ANKRD50: variants seen among roughly 807,000 people sequenced by gnomAD.
The protein encoded by ANKRD50 is ankyrin repeat domain 50.
Under a neutral mutation model 112.0 loss-of-function variants are expected in ANKRD50, and 40 were observed. The observed-to-expected ratio is 0.36, with a 90% CI of 0.28 to 0.46. The LOEUF (loss-of-function observed/expected upper bound fraction) is 0.46. Among genes scored for constraint, ANKRD50 ranks in the 20% least tolerant of loss-of-function variants. ANKRD50 has a pLI of 1.00. For missense variants in ANKRD50, 1,487 were observed against 1,701.7 expected, an observed-to-expected ratio of 0.87 and a Z score of 2.22; for synonymous variants, 613 against 619.1, an observed-to-expected ratio of 0.99 and a Z score of 0.15.
chr4:124,670,773 T>A lies in ANKRD50; in HGVS notation c.2504A>T (p.Asp835Val). 1.2e-6 allele frequency: 2 copies of A among 1,613,840 alleles called. No homozygotes were observed. The highest frequency in any genetic ancestry group is 1.7e-6 in the Non-Finnish European group (2 of 1,179,878). The change falls in exon 4 of 5, where the codon GAT becomes GTT. Residue 835 changes from aspartate (D) to valine (V), a missense_variant. Physicochemically the swap from Asp to Val is radical, Grantham distance 152 (BLOSUM62 -3). This residue lies in a region of ANKRD50 where 1,046 missense variants were observed against 1,269.5 expected (regional missense o/e 0.82). Coordinates refer to ENST00000504087, the MANE Select transcript of ANKRD50 (RefSeq NM_020337.3). ...GNVEVVRTLL[D>V]RGLDENHRDD... ...TCTGTGATTTTCATCTAACCCTCTA[T>A]CCAGTAGAGTACGTACCACCTCAAC...
intron 2 of ANKRD50, among the ~76,000 whole-genome samples, chr4:124,683,946 C>G (rs1724950378): frequency 1.4e-5 from 1 of 70,506 alleles, no homozygotes; most frequent in African/African-American, 5.2e-5. Context: ...AGTTTTATGT[C>G]ACATTTCTAA....
At chr4:124,678,636 T>C (rs1222054648) in intron 3 of ANKRD50, 40 bp downstream of exon 3, 1 of 1,555,394 alleles carries the variant, frequency 6.4e-7, no homozygotes, top group Non-Finnish European at 8.8e-7. Context: ...AGTTCATTAA[T>C]GAAAAGCATT....
At chr4:124,691,747 A>G (rs1725144190) in intron 2 of ANKRD50, among the ~76,000 whole-genome samples, 1 of 152,172 alleles carries the variant, frequency 6.6e-6, no homozygotes, top group African/African-American at 2.4e-5. Context: ...AATGAAAAAT[A>G]CACTTTTCTC....
Position 124,710,257 on chromosome 4 carries a change from G to T in ANKRD50, c.255C>A (p.Ala85=). 6.2e-7 allele frequency: 1 copy of T among 1,614,150 alleles called. No individual in the cohort carries two copies. The highest frequency in any genetic ancestry group is 1.1e-5 in the South Asian group (1 of 91,082). The stretch of plus-strand genomic sequence containing the variant: ...TTGGCCATAAGAGTTCAGTACATAG[G>T]GCCGTCTTGCCACTGCCAGGCCCTC... ...LVGGPGSGKT[A]LCTELLWPSS... Residue 85 remains alanine (A), a synonymous_variant, in exon 2 of 5, where the codon GCC becomes GCA. Coordinates refer to ENST00000504087, the MANE Select transcript of ANKRD50 (RefSeq NM_020337.3).
At chr4:124,695,498 A>G (rs1320927583) in intron 2 of ANKRD50, among the ~76,000 whole-genome samples, 1 of 152,146 alleles carries the variant, frequency 6.6e-6, no homozygotes, top group Non-Finnish European at 1.5e-5. Flanking sequence ...TCCTCAACGC[A>G]CGTTTACTTA....
rs1425870238 is a variant in ANKRD50, at chr4:124,671,378, A to C, written c.1899T>G (p.Ala633=). 2 of 1,613,874 alleles carry C rather than the reference A, an allele frequency of 1.2e-6. No individual in the cohort carries two copies. The highest frequency in any genetic ancestry group is 3.3e-5 in the Admixed American group (2 of 59,982). The change falls in exon 4 of 5, where the codon GCT becomes GCG. Residue 633 remains alanine, a synonymous_variant. Coordinates refer to ENST00000504087, the MANE Select transcript of ANKRD50 (RefSeq NM_020337.3). The stretch of plus-strand genomic sequence containing the variant: ...CATCTGCACAATCCACTTTTACGCC[A>C]GCATAAAGTAGTGCAGAAACTACCT... ...HTEVVSALLY[A]GVKVDCADAD...
chr4:124,690,676 GTAGGCT>G (rs1273623296), intron 2 of ANKRD50, among the ~76,000 whole-genome samples: 1 of 152,180 alleles, frequency 6.6e-6, no homozygotes, highest in Non-Finnish European at 1.5e-5. Context: ...ATTAACTGCT[GTAGGCT>G]TTAACATCTC....
At chr4:124,699,560 C>A (rs1313949400) in intron 2 of ANKRD50, among the ~76,000 whole-genome samples, 6 of 151,854 alleles carry the variant, frequency 4.0e-5, no homozygotes, top group African/African-American at 1.5e-4. Context: ...ACAGCTATTC[C>A]ACAGATCAAA....
At chr4:124,678,561 A>G in intron 3 of ANKRD50, 115 bp downstream of exon 3, 4 of 869,246 alleles carry the variant, frequency 4.6e-6, no homozygotes, top group Non-Finnish European at 5.3e-6. Context: ...AATTGAGAAT[A>G]GCTGATAGAA....
intron 2 of ANKRD50, among the ~76,000 whole-genome samples, chr4:124,703,498 C>T (rs759655526): frequency 6.6e-6 from 1 of 152,128 alleles, no homozygotes; most frequent in Middle Eastern, 3.4e-3. Context: ...CTATAGGAGC[C>T]AAGCTGGCAC....
rs1187179767 is a variant in ANKRD50, at chr4:124,666,738, G to A, written c.*780C>T. The A allele has an allele frequency of 6.6e-6, 1 of 152,266 alleles. No homozygotes were observed. Among genetic ancestry groups the A allele is most frequent in the East Asian group, 1.9e-4 (1 of 5,144 alleles). The allele number at this position is 152,266 out of a possible 1,614,324, so 9.4% of individuals were successfully genotyped here. A position where few individuals can be genotyped will look rare whatever the true frequency, so the allele number is the denominator to read the frequency against. ...AATGATAGTCTGTCTTCTTAGAGGTGGAATGACAAAGTGAATGGAAGATGA... is the reference window on the plus strand; with the variant it reads ...AATGATAGTCTGTCTTCTTAGAGGTAGAATGACAAAGTGAATGGAAGATGA... On this transcript the variant is annotated 3_prime_UTR_variant, in exon 5 of 5. Transcript: ENST00000504087.
In ANKRD50 at chr4:124,671,163, T is replaced by C. The variant is rs1730638512; in HGVS notation, c.2114A>G (p.His705Arg). The C allele has an allele frequency of 1.2e-6, 2 of 1,613,906 alleles. No homozygotes were observed. The highest frequency in any genetic ancestry group is 8.5e-7 in the Non-Finnish European group (1 of 1,179,858). The change falls in exon 4 of 5, where the codon CAT becomes CGT. Residue 705 changes from histidine (H) to arginine (R), a missense_variant. By Grantham distance (29) the His-to-Arg change is conservative (BLOSUM62 0). Around this residue, in one of 2 missense-constraint regions of ANKRD50, gnomAD observed 1,046 missense variants for 1,269.5 expected, o/e 0.82. Transcript: ENST00000504087. ...HLLDHGAEVN[H>R]EDVDGRTALS... ...TGCAGTCCTGCCATCAACATCCTCA[T>C]GATTTACTTCTGCTCCATGGTCCAG...
At chr4:124,672,651 AAGC>A in intron 3 of ANKRD50, 117 bp from the exon 4 acceptor site, 2 of 719,394 alleles carry the variant, frequency 2.8e-6, no homozygotes. Flanking sequence ...TAATACTAAT[AAGC>A]AGATCAATTA....
chr4:124,700,034 C>T (rs1725353122), intron 2 of ANKRD50, among the ~76,000 whole-genome samples: 1 of 152,030 alleles, frequency 6.6e-6, no homozygotes, highest in African/African-American at 2.4e-5. Context: ...ATTACAGATA[C>T]TGAAAATTAA....
At chr4:124,683,156 T>A (rs901924086) in intron 2 of ANKRD50, among the ~76,000 whole-genome samples, 5 of 151,860 alleles carry the variant, frequency 3.3e-5, no homozygotes, top group African/African-American at 1.2e-4. Flanking sequence ...TGTATATATT[T>A]ATACACACAC....
chr4:124,673,955 G>T (rs953186635), intron 3 of ANKRD50, among the ~76,000 whole-genome samples: 2 of 151,890 alleles, frequency 1.3e-5, no homozygotes, highest in Non-Finnish European at 2.9e-5. Context: ...AATTTCAAAA[G>T]ATAAATTTCA....
At chr4:124,686,137 A>T (rs2110516791) in intron 2 of ANKRD50, among the ~76,000 whole-genome samples, 1 of 152,306 alleles carries the variant, frequency 6.6e-6, no homozygotes, top group Middle Eastern at 3.4e-3. Context: ...TAAGCTTTTA[A>T]AGCTACTATA....
In ANKRD50 at chr4:124,672,394, G is replaced by T. The variant is rs777584335; in HGVS notation, c.883C>A (p.Leu295Met). 6.2e-7 allele frequency: 1 copy of T among 1,613,294 alleles called. No homozygotes were observed. Among genetic ancestry groups the T allele is most frequent in the Non-Finnish European group, 8.5e-7 (1 of 1,179,734 alleles). ...AAGCATCCACTGCTTTTAATGTGCA[G>T]TTGATTTAACATCTCTGCAGTTTCT... is the stretch of plus-strand genomic sequence containing the variant. The part of the protein sequence containing the change: ...TKETAEMLNQ[L>M]HIKSSGCFLY... The change falls in exon 4 of 5, where the codon CTG becomes ATG. Residue 295 changes from leucine to methionine, a missense_variant. Physicochemically the swap from Leu to Met is conservative, Grantham distance 15. Transcript: ENST00000504087.
At position 124,671,138 on chromosome 4, in the gene ANKRD50, T is replaced by A; in HGVS notation, c.2139A>T (p.Ala713=). ...GCACACAAAGTGCAGCTACAGAGAGTGCAGTCCTGCCATCAACATCCTCAT... is the reference window on the plus strand; with the variant it reads ...GCACACAAAGTGCAGCTACAGAGAGAGCAGTCCTGCCATCAACATCCTCAT... The part of the protein sequence containing the change: ...VNHEDVDGRT[A]LSVAALCVPA... The change falls in exon 4 of 5, where the codon GCA becomes GCT. Residue 713 remains alanine (A), a synonymous_variant. Coordinates refer to ENST00000504087, the MANE Select transcript of ANKRD50 (RefSeq NM_020337.3). The A allele has an allele frequency of 6.2e-7, 1 of 1,613,756 alleles. No individual in the cohort carries two copies. Among genetic ancestry groups the A allele is most frequent in the Non-Finnish European group, 8.5e-7 (1 of 1,179,824 alleles).
Sources: allele counts gnomAD v4.1 joint callset (sites outside exome capture counted in the v4.1 genomes callset), GRCh38; gene constraint gnomAD v4.1.1; regional missense constraint gnomAD v4.1.1; transcripts MANE v1.5; gene names NCBI Gene and HGNC (gene_info 2026-07-23, HGNC 2026-07-21).